UBAP2: variants seen among roughly 807,000 people sequenced by gnomAD.
The protein encoded by UBAP2 is ubiquitin-associated protein 2.
A neutral mutation model predicts 139.6 loss-of-function variants in UBAP2; 75 were observed. The ratio of observed to expected loss-of-function variants is 0.54; its 90% CI spans 0.45 to 0.65. UBAP2 has a LOEUF of 0.65. Among genes scored for constraint, UBAP2 ranks in the 30% least tolerant of loss-of-function variants. UBAP2 has a pLI of 0.00. For missense variants in UBAP2, 1,368 were observed against 1,369.6 expected (o/e 1.00, Z 0.02); for synonymous variants, 526 against 526.2 (o/e 1.00, Z 0.01).
Position 33,953,276 on chromosome 9 carries a change from G to A in UBAP2, c.1056+9C>T. The A allele has an allele frequency of 6.2e-7, 1 of 1,607,350 alleles. No homozygotes were observed. Among genetic ancestry groups the A allele is most frequent in the Non-Finnish European group, 8.5e-7 (1 of 1,176,444 alleles). ...CTTAAAATCCCACACTGAAATAAAAGTGAGTTACCAGGCTCTGAGGAGAAC... is the reference window on the plus strand; with the variant it reads ...CTTAAAATCCCACACTGAAATAAAAATGAGTTACCAGGCTCTGAGGAGAAC... On this transcript the variant is annotated intron_variant, in intron 12 of 28. Coordinates refer to ENST00000379238, the MANE Select transcript of UBAP2 (RefSeq NM_001370062.2).
chr9:34,024,598 T>G (rs2131307172), intron 1 of UBAP2, among the ~76,000 whole-genome samples: 1 of 150,536 alleles, frequency 6.6e-6, no homozygotes, highest in South Asian at 2.1e-4. Flanking sequence ...ATGGGGGATG[T>G]GACTGAAATC....
At chr9:34,016,152 T>G (rs1824236247) in intron 2 of UBAP2, among the ~76,000 whole-genome samples, 2 of 136,508 alleles carry the variant, frequency 1.5e-5, no homozygotes, top group Non-Finnish European at 3.1e-5. Context: ...CAGAGCAAGG[T>G]GAAAGGGGAG....
intron 4 of UBAP2, chr9:33,994,659 T>C (rs992352254): frequency 3.4e-5 from 5 of 147,670 alleles, no homozygotes; most frequent in African/African-American, 9.9e-5. Flanking sequence ...TCATATAATA[T>C]GGTTTTCCCA....
At chr9:33,924,490 G>A (rs933176078) in intron 22 of UBAP2, among the ~76,000 whole-genome samples, 10 of 152,166 alleles carry the variant, frequency 6.6e-5, no homozygotes, top group African/African-American at 2.2e-4. Flanking sequence ...CACACAGACC[G>A]GCCAACCCTG....
chr9:33,968,701 C>T (rs548124982), intron 8 of UBAP2, among the ~76,000 whole-genome samples: 1 of 152,280 alleles, frequency 6.6e-6, no homozygotes, highest in East Asian at 1.9e-4. Context: ...ATACACATAA[C>T]ATGAAATCTA....
chr9:33,962,076 C>A (rs986666796), intron 9 of UBAP2, among the ~76,000 whole-genome samples: 5 of 151,828 alleles, frequency 3.3e-5, no homozygotes, highest in Non-Finnish European at 4.4e-5. Context: ...TTAATGAAAG[C>A]CAGAATTGTA....
At chr9:33,969,918 A>ATTTTTTTTTTT (rs1827784559) in intron 8 of UBAP2, among the ~76,000 whole-genome samples, 1 of 125,852 alleles carries the variant, frequency 7.9e-6, no homozygotes, top group African/African-American at 3.1e-5. Flanking sequence ...ACCGTGTATA[A>ATTTTTTTTTTT]TTCTTTTTTT....
chr9:34,015,875 G>C (rs1411147405), intron 2 of UBAP2, among the ~76,000 whole-genome samples: 1 of 151,944 alleles, frequency 6.6e-6, no homozygotes, highest in Admixed American at 6.6e-5. Context: ...TCACTATGTT[G>C]CCCAGCCTGC....
At position 33,950,889 on chromosome 9, in the gene UBAP2, A is replaced by G. The variant is rs536985840; in HGVS notation, c.1057-2302T>C. Among the ~76,000 whole-genome samples, 91 of 152,364 alleles carry G rather than the reference A, an allele frequency of 6.0e-4. 1 individual carries two copies. The highest frequency in any genetic ancestry group is 2.1e-3 in the African/African-American group (88 of 41,582). On this transcript the variant is annotated intron_variant, in intron 12 of 28. Coordinates refer to ENST00000379238, the MANE Select transcript of UBAP2 (RefSeq NM_001370062.2). The stretch of plus-strand genomic sequence containing the variant: ...TGGAGAGACTTTTAAAATGTATACA[A>G]TACACACATGTGCATACATGCACAT...
chr9:33,933,398 A>G lies in UBAP2; in HGVS notation c.2108+92T>C, dbSNP rs1045144925. The G allele has an allele frequency of 1.4e-5, 19 of 1,389,112 alleles. No individual in the cohort carries two copies. The African/African-American group carries it at 2.4e-4, about 18-fold the overall frequency. The allele number at this position is 1,389,112 out of a possible 1,614,324, so 86.0% of individuals were successfully genotyped here. A position where few individuals can be genotyped will look rare whatever the true frequency, so the allele number is the denominator to read the frequency against. ...CCCAGGACATCACGTCAGAGACAACAAGTGTGCTCTGTTCATGAAAGCAAC... is the reference window on the plus strand; with the variant it reads ...CCCAGGACATCACGTCAGAGACAACGAGTGTGCTCTGTTCATGAAAGCAAC... On this transcript the variant is annotated intron_variant, in intron 18 of 28. Transcript: ENST00000379238.
intron 1 of UBAP2, among the ~76,000 whole-genome samples, chr9:34,039,781 A>G (rs1400693894): frequency 7.1e-6 from 1 of 140,980 alleles, no homozygotes; most frequent in Non-Finnish European, 1.5e-5. Context: ...CCTTCCCTCC[A>G]CTATTGTCCT....
At chr9:33,931,054 T>A (rs1216653328) in intron 19 of UBAP2, among the ~76,000 whole-genome samples, 1 of 152,248 alleles carries the variant, frequency 6.6e-6, no homozygotes, top group South Asian at 2.1e-4. Flanking sequence ...TATCTTTCCA[T>A]AACTTTTCAG....
intron 1 of UBAP2, among the ~76,000 whole-genome samples, chr9:34,043,851 G>A (rs1357160544): frequency 6.7e-6 from 1 of 149,606 alleles, no homozygotes; most frequent in African/African-American, 2.5e-5. Context: ...AAAAAGGCCA[G>A]GCACAGTGGT....
rs1195796867 is a variant in UBAP2 at position 34,039,730 on chromosome 9, T to G, written c.-42+9095A>C. Among the ~76,000 whole-genome samples the G allele has an allele frequency of 2.6e-5, 4 of 151,512 alleles. No individual in the cohort carries two copies. The Admixed American group carries it at 2.6e-4, about 10-fold the overall frequency. On this transcript the variant is annotated intron_variant, in intron 1 of 28. Transcript: ENST00000379238. ...GCAGAAGGCCGCAGGGACCTCTGCC[T>G]AGGAAAACCAGAGACCCTTGTTCAC...
At chr9:34,047,994 T>C (rs1294558158) in intron 1 of UBAP2, among the ~76,000 whole-genome samples, 1 of 152,118 alleles carries the variant, frequency 6.6e-6, no homozygotes, top group African/African-American at 2.4e-5. Context: ...ACAGTAATAA[T>C]GATGGGATCA....
At chr9:33,924,977 T>C (rs187098296) in intron 22 of UBAP2, among the ~76,000 whole-genome samples, 21 of 152,362 alleles carry the variant, frequency 1.4e-4, no homozygotes, top group Admixed American at 1.3e-3. Flanking sequence ...TCTTTCAATG[T>C]GGCCCAAGGA....
intron 1 of UBAP2, among the ~76,000 whole-genome samples, chr9:34,027,235 C>G (rs1825476084): frequency 6.6e-6 from 1 of 151,872 alleles, no homozygotes. Context: ...AATCCCGGCA[C>G]TTTGGGAGGC....
At chr9:33,970,282 A>C (rs1028624989) in intron 8 of UBAP2, among the ~76,000 whole-genome samples, 2 of 151,986 alleles carry the variant, frequency 1.3e-5, no homozygotes, top group Non-Finnish European at 2.9e-5. Flanking sequence ...TCTCATAAGA[A>C]GCTTAACGAT....
chr9:34,047,305 C>T (rs1827691586), intron 1 of UBAP2, among the ~76,000 whole-genome samples: 1 of 152,162 alleles, frequency 6.6e-6, no homozygotes, highest in Admixed American at 6.6e-5. Flanking sequence ...CTAATCACTT[C>T]TGCCTAATGA....
Sources: allele counts gnomAD v4.1 joint callset (sites outside exome capture counted in the v4.1 genomes callset), GRCh38; gene constraint gnomAD v4.1.1; transcripts MANE v1.5; gene names NCBI Gene and HGNC (gene_info 2026-07-23, HGNC 2026-07-21).